The following TCF7L2 variants were observed in gnomAD, a reference collection of about 807,000 sequenced individuals.
The protein encoded by TCF7L2 is transcription factor 7 like 2, also known as transcription factor 7-like 2.
Under a neutral mutation model 77.9 loss-of-function variants are expected in TCF7L2, and 23 were observed. The ratio of observed to expected loss-of-function variants is 0.30; its 90% CI spans 0.21 to 0.42. The LOEUF is 0.42. Ranked by LOEUF, TCF7L2 falls within the 10% of genes least tolerant of loss-of-function variation. The pLI is 1.00. For synonymous variants in TCF7L2, 413 were observed against 340.2 expected, an observed-to-expected ratio of 1.21 and a Z score of -2.36; for missense variants, 654 against 793.1, an observed-to-expected ratio of 0.82 and a Z score of 2.11.
chr10:113,057,152 G>C (rs1363593322), intron 5 of TCF7L2, among the ~76,000 whole-genome samples: 1 of 152,144 alleles, frequency 6.6e-6, no homozygotes, highest in Non-Finnish European at 1.5e-5. Flanking sequence ...CATTTGGCTT[G>C]GTTTCTCTCC....
intron 5 of TCF7L2, among the ~76,000 whole-genome samples, chr10:113,061,857 A>AT (rs912708093): frequency 6.6e-5 from 10 of 152,164 alleles, no homozygotes; most frequent in African/African-American, 2.2e-4. Context: ...GAGTGTCAGG[A>AT]TTTTTAGTCT....
intron 5 of TCF7L2, among the ~76,000 whole-genome samples, chr10:113,062,224 C>T (rs1228922339): frequency 6.6e-6 from 1 of 152,198 alleles, no homozygotes; most frequent in Non-Finnish European, 1.5e-5. Context: ...TTTGGAGCCA[C>T]TTGCAGAAGG....
intron 4 of TCF7L2, among the ~76,000 whole-genome samples, chr10:113,036,115 CCATCATCATCATCATCATCAT>C (rs71869784): frequency 8.2e-5 from 12 of 146,590 alleles, no homozygotes; most frequent in East Asian, 6.2e-4. Flanking sequence ...ATCATCATCA[CCATCATCATCATCATCATCAT>C]CATCATCATC....
At chr10:113,035,714 T>C (rs977427213) in intron 4 of TCF7L2, among the ~76,000 whole-genome samples, 7 of 152,246 alleles carry the variant, frequency 4.6e-5, no homozygotes, top group African/African-American at 1.7e-4. Flanking sequence ...TATTTTTAAA[T>C]GGTTGAAACA....
intron 5 of TCF7L2, among the ~76,000 whole-genome samples, chr10:113,099,973 A>T (rs2061452435): frequency 6.6e-6 from 1 of 152,194 alleles, no homozygotes; most frequent in Admixed American, 6.5e-5. Flanking sequence ...CCTCCACGCA[A>T]GTACCCCAGC....
intron 5 of TCF7L2, among the ~76,000 whole-genome samples, chr10:113,108,450 G>A (rs1050155163): frequency 1.8e-4 from 28 of 152,136 alleles, no homozygotes; most frequent in Non-Finnish European, 3.7e-4. Context: ...CATTGTGGGG[G>A]GGAGGGGTGC....
At chr10:113,005,223 C>T (rs556940652) in intron 4 of TCF7L2, among the ~76,000 whole-genome samples, 1 of 152,312 alleles carries the variant, frequency 6.6e-6, no homozygotes, top group African/African-American at 2.4e-5. Flanking sequence ...TTCCAATGGC[C>T]CATTATGAAT....
intron 5 of TCF7L2, among the ~76,000 whole-genome samples, chr10:113,130,754 T>TTAG (rs2066456483): frequency 1.3e-5 from 2 of 150,124 alleles, no homozygotes; most frequent in Non-Finnish European, 3.0e-5. Context: ...TTTTAAAAAA[T>TTAG]TATTATTATT....
At chr10:113,056,191 A>G (rs891766208) in intron 5 of TCF7L2, among the ~76,000 whole-genome samples, 5 of 152,232 alleles carry the variant, frequency 3.3e-5, no homozygotes, top group Non-Finnish European at 7.3e-5. Flanking sequence ...TTTTAGAGAT[A>G]AGAAAACCAG....
intron 3 of TCF7L2, among the ~76,000 whole-genome samples, chr10:112,956,975 C>T (rs180789895): frequency 2.0e-5 from 3 of 152,190 alleles, no homozygotes; most frequent in East Asian, 1.9e-4. Context: ...CTGAGACAGA[C>T]GCCACCACTC....
intron 4 of TCF7L2, among the ~76,000 whole-genome samples, chr10:113,017,579 G>A (rs1301974136): frequency 6.6e-6 from 1 of 152,226 alleles, no homozygotes; most frequent in Admixed American, 6.5e-5. Context: ...CTTGGGTGTG[G>A]CCTATTGCAG....
chr10:112,951,135 T>G (rs2030952804), intron 1 of TCF7L2, 72 bp from the exon 2 acceptor site: 2 of 1,375,574 alleles, frequency 1.5e-6, no homozygotes, highest in Non-Finnish European at 2.0e-6. Context: ...TCGCCGATTC[T>G]TTTTCTCCCC....
chr10:113,129,767 A>G (rs2066264050), intron 5 of TCF7L2: 1 of 1,261,868 alleles, frequency 7.9e-7, no homozygotes, highest in African/African-American at 1.6e-5. Flanking sequence ...AAAGTGAGAA[A>G]AGCAGAAAGG....
chr10:113,040,277 A>G (rs1433890889), intron 5 of TCF7L2, 151 bp downstream of exon 5: 3 of 687,400 alleles, frequency 4.4e-6, no homozygotes, highest in Non-Finnish European at 7.1e-6. Flanking sequence ...TATATCTATA[A>G]GGTATTCATT....
intron 4 of TCF7L2, among the ~76,000 whole-genome samples, chr10:113,003,379 A>C (rs983389965): frequency 1.3e-5 from 2 of 152,070 alleles, no homozygotes; most frequent in Non-Finnish European, 2.9e-5. Context: ...ATGTGGTGCC[A>C]GTAGTGTCTG....
chr10:113,159,633 A>G (rs1023289364), intron 12 of TCF7L2, among the ~76,000 whole-genome samples: 1 of 152,132 alleles, frequency 6.6e-6, no homozygotes, highest in Non-Finnish European at 1.5e-5. Flanking sequence ...AATCTGAGAG[A>G]CAGTCCTTAA....
intron 4 of TCF7L2, among the ~76,000 whole-genome samples, chr10:112,982,886 A>G (rs2040745487): frequency 6.6e-6 from 1 of 152,022 alleles, no homozygotes; most frequent in Non-Finnish European, 1.5e-5. Context: ...TGGCCTCCCA[A>G]AGTGCTGGGA....
At chr10:113,088,917 A>G (rs1453056913) in intron 5 of TCF7L2, among the ~76,000 whole-genome samples, 1 of 152,030 alleles carries the variant, frequency 6.6e-6, no homozygotes, top group Non-Finnish European at 1.5e-5. Flanking sequence ...CAGTCCGGGC[A>G]ACATAGCAAG....
chr10:112,962,901 C>T (rs76449981), intron 3 of TCF7L2, among the ~76,000 whole-genome samples: 2,270 of 152,206 alleles, frequency 0.015, 54 homozygotes, highest in African/African-American at 0.051. Context: ...GCCCTGCCAG[C>T]GGTTCACTTC....
Sources: allele counts gnomAD v4.1 joint callset (sites outside exome capture counted in the v4.1 genomes callset), GRCh38; gene constraint gnomAD v4.1.1; transcripts MANE v1.5; gene names NCBI Gene and HGNC (gene_info 2026-07-23, HGNC 2026-07-21).